Variants in CFAP52 observed in about 807,000 individuals in gnomAD.
CFAP52 encodes cilia- and flagella-associated protein 52.
Under a neutral mutation model 70.5 loss-of-function variants are expected in CFAP52, and 57 were observed. The ratio of observed to expected loss-of-function variants is 0.81; its 90% CI spans 0.65 to 1.01. The LOEUF (loss-of-function observed/expected upper bound fraction) is 1.01. Ranked by LOEUF, CFAP52 falls within the 50% of genes least tolerant of loss-of-function variation. The probability of loss-of-function intolerance (pLI) is 0.00; values close to 1 mark genes in which losing one functional copy is unlikely to be tolerated. For synonymous variants in CFAP52, 267 were observed against 292.5 expected, an observed-to-expected ratio of 0.91 and a Z score of 0.89; for missense variants, 785 against 788.5, an observed-to-expected ratio of 1.00 and a Z score of 0.05.
chr17:9,601,288 G>A lies in CFAP52; in HGVS notation c.753+1105G>A, dbSNP rs1157706182. 1.5e-4 allele frequency among the ~76,000 whole-genome samples: 22 copies of A among 150,342 alleles called. No homozygotes were observed. The East Asian group carries it at 4.4e-3, about 30-fold the overall frequency. On this transcript the variant is annotated intron_variant, in intron 6 of 13. Coordinates refer to ENST00000352665, the MANE Select transcript of CFAP52 (RefSeq NM_145054.5). ...GGGGTGGGGGGAGGGGGGAGGGATA[G>A]CATTAGGAGATATACCTAATGTAAA... is the stretch of plus-strand genomic sequence containing the variant.
At chr17:9,588,013 C>T (rs1445611273) in intron 3 of CFAP52, among the ~76,000 whole-genome samples, 1 of 152,146 alleles carries the variant, frequency 6.6e-6, no homozygotes, top group Admixed American at 6.5e-5. Context: ...TTTGATTGGC[C>T]TGAGCTCTAA....
At chr17:9,604,721 G>A (rs1305660762) in intron 6 of CFAP52, among the ~76,000 whole-genome samples, 4 of 151,288 alleles carry the variant, frequency 2.6e-5, no homozygotes, top group Non-Finnish European at 5.9e-5. Flanking sequence ...TTGCACTTCA[G>A]CCTGGGGGAC....
rs80068515 is a variant in CFAP52, at chr17:9,599,564, G to A, written c.637-503G>A. Among the ~76,000 whole-genome samples, 80 of 152,212 alleles carry A rather than the reference G, an allele frequency of 5.3e-4. No homozygotes were observed. The East Asian group carries it at 0.015, about 29-fold the overall frequency. Reference sequence around the variant, plus strand: ...GGTCGAATATTTCCTCCCATTCTATGTGTAGCCCTTACCCTGCTCCCCTCA... The same window carrying A: ...GGTCGAATATTTCCTCCCATTCTATATGTAGCCCTTACCCTGCTCCCCTCA... On this transcript the variant is annotated intron_variant, in intron 5 of 13. Coordinates refer to ENST00000352665, the MANE Select transcript of CFAP52 (RefSeq NM_145054.5).
At chr17:9,642,962 AT>A in intron 13 of CFAP52, 60 bp from the exon 14 acceptor site, 1 of 1,372,064 alleles carries the variant, frequency 7.3e-7, no homozygotes, top group Non-Finnish European at 9.7e-7. Flanking sequence ...GTTATTTGAA[AT>A]CAGGGCTGTT....
At chr17:9,580,471 T>C (rs998267584) in intron 1 of CFAP52, among the ~76,000 whole-genome samples, 4 of 152,082 alleles carry the variant, frequency 2.6e-5, no homozygotes, top group Non-Finnish European at 4.4e-5. Context: ...GAAGATTCCT[T>C]GAGGCCAGGA....
intron 1 of CFAP52, among the ~76,000 whole-genome samples, chr17:9,581,177 C>T (rs566994853): frequency 2.0e-5 from 3 of 152,190 alleles, no homozygotes; most frequent in South Asian, 2.1e-4. Flanking sequence ...ATTAGCCGGG[C>T]GCGGTGGCGG....
chr17:9,635,898 C>T (rs1034871823), intron 11 of CFAP52, among the ~76,000 whole-genome samples: 3 of 152,110 alleles, frequency 2.0e-5, no homozygotes, highest in African/African-American at 7.2e-5. Context: ...CAAGGTCGGG[C>T]GTGGTGGCTT....
intron 11 of CFAP52, among the ~76,000 whole-genome samples, chr17:9,636,226 A>AG (rs1910790352): frequency 2.7e-5 from 4 of 150,140 alleles, no homozygotes; most frequent in African/African-American, 1.0e-4. Flanking sequence ...AAAGAAAGAA[A>AG]GAAAGAAAGA....
chr17:9,602,695 T>C lies in CFAP52; in HGVS notation c.753+2512T>C, dbSNP rs371275266. 2.5e-4 allele frequency among the ~76,000 whole-genome samples: 38 copies of C among 152,210 alleles called. 1 individual carries two copies. The highest frequency in any genetic ancestry group is 1.6e-4 in the Non-Finnish European group (11 of 68,042). The stretch of plus-strand genomic sequence containing the variant: ...AGATCCTTGAGGAATCACCACACTG[T>C]CTTCCACAATGGCTGAACTAATTTA... On this transcript the variant is annotated intron_variant, in intron 6 of 13. Coordinates refer to ENST00000352665, the MANE Select transcript of CFAP52 (RefSeq NM_145054.5).
intron 3 of CFAP52, among the ~76,000 whole-genome samples, chr17:9,588,243 C>T (rs1000413311): frequency 6.6e-6 from 1 of 152,202 alleles, no homozygotes; most frequent in African/African-American, 2.4e-5. Flanking sequence ...CCACTATTGT[C>T]TGTTAAAGGG....
At chr17:9,601,361 T>C (rs1392246160) in intron 6 of CFAP52, among the ~76,000 whole-genome samples, 3 of 151,886 alleles carry the variant, frequency 2.0e-5, no homozygotes, top group African/African-American at 7.3e-5. Context: ...TGTATACATA[T>C]GTAACAAACC....
At chr17:9,601,548 A>G (rs1909269715) in intron 6 of CFAP52, among the ~76,000 whole-genome samples, 1 of 152,178 alleles carries the variant, frequency 6.6e-6, no homozygotes, top group African/African-American at 2.4e-5. Flanking sequence ...TTGATCTATA[A>G]AACTATATAT....
intron 6 of CFAP52, among the ~76,000 whole-genome samples, chr17:9,600,566 T>C (rs1319937747): frequency 6.6e-6 from 1 of 152,000 alleles, no homozygotes; most frequent in Non-Finnish European, 1.5e-5. Flanking sequence ...TGTTTGTTTG[T>C]TTGTTTGTTT....
At chr17:9,599,890 C>G (rs979801700) in intron 5 of CFAP52, among the ~76,000 whole-genome samples, 177 bp from the exon 6 acceptor site, 1 of 151,968 alleles carries the variant, frequency 6.6e-6, no homozygotes, top group African/African-American at 2.4e-5. Flanking sequence ...TATAGGCATG[C>G]ACCACGACAC....
downstream of CFAP52, chr17:9,643,507 G>C (rs942175842): frequency 4.8e-6 from 1 of 208,766 alleles, no homozygotes; most frequent in African/African-American, 2.3e-5. Flanking sequence ...CTCATGATCT[G>C]TGCACAGACA....
At chr17:9,577,242 G>A (rs1055371229) in intron 1 of CFAP52, among the ~76,000 whole-genome samples, 56 of 152,302 alleles carry the variant, frequency 3.7e-4, no homozygotes, top group African/African-American at 1.3e-3. Flanking sequence ...GGGAGGGAAC[G>A]TGTGTTTGAG....
chr17:9,645,439 G>C (rs995976714), downstream of CFAP52: 1 of 375,960 alleles, frequency 2.7e-6, no homozygotes, highest in Non-Finnish European at 4.2e-6. The surrounding 1 kb of genome is among the most constrained non-coding windows in gnomAD (Gnocchi z 6.8). Context: ...CTGCCCTGGA[G>C]GGGGCTGGTC....
At position 9,598,244 on chromosome 17, in the gene CFAP52, C is replaced by A; in HGVS notation, c.547C>A (p.Arg183=). Residue 183 remains arginine, a synonymous_variant, in exon 5 of 14, where the codon CGA becomes AGA. Coordinates refer to ENST00000352665, the MANE Select transcript of CFAP52 (RefSeq NM_145054.5). ...MFMTAGNGTI[R]VWELDLPNRK... is the part of the protein sequence containing the mutation. ...TTTTTTTTTACATAGTGGGACAATT[C>A]GAGTATGGGAATTGGATCTTCCAAA... The A allele has an allele frequency of 6.2e-7, 1 of 1,605,224 alleles. No homozygotes were observed. The highest frequency in any genetic ancestry group is 8.5e-7 in the Non-Finnish European group (1 of 1,176,592).
chr17:9,602,181 G>T (rs1318936594), intron 6 of CFAP52, among the ~76,000 whole-genome samples: 3 of 151,998 alleles, frequency 2.0e-5, no homozygotes, highest in East Asian at 3.9e-4. Context: ...GACCGTGCAG[G>T]TTTGTTACAT....
Sources: gnomAD v4.1 joint callset for allele counts (sites outside exome capture counted in the v4.1 genomes callset) on GRCh38, gnomAD v4.1.1 for gene constraint, Gnocchi (gnomAD v3.1) non-coding constraint, MANE v1.5 for transcripts, NCBI Gene and HGNC (gene_info 2026-07-23, HGNC 2026-07-21) for gene names.